Variants in PPARGC1A observed in about 807,000 individuals in gnomAD.
The protein encoded by PPARGC1A is peroxisome proliferator-activated receptor gamma coactivator 1-alpha.
PPARGC1A carries 25 observed loss-of-function variants against 88.7 expected under a neutral mutation model. That is an observed-to-expected ratio of 0.28 (90% CI 0.21 to 0.39). PPARGC1A has a LOEUF of 0.39. PPARGC1A is among the 10% of genes least tolerant of loss of function. The pLI is 1.00. For missense variants in PPARGC1A, 880 were observed against 968.7 expected (o/e 0.91, Z 1.22); for synonymous variants, 363 against 355.6 (o/e 1.02, Z -0.24).
At chr4:24,279,132 G>A in the PPARGC1A span, among the ~76,000 whole-genome samples, 7 of 152,204 alleles carry the variant, frequency 4.6e-5, no homozygotes, top group South Asian at 2.1e-4. Context: ...CTATACTTCC[G>A]TGGTCCAACC....
intron 1 of PPARGC1A, 150 bp downstream of exon 1, chr4:23,889,754 T>C: frequency 3.2e-6 from 3 of 923,094 alleles, no homozygotes; most frequent in Middle Eastern, 2.9e-4. Context: ...TTATTGGAGT[T>C]AAGATAAGAT....
rs1212858072 is a variant in PPARGC1A at position 23,794,880 on chromosome 4, T to C, written c.*942A>G. ...GCTGAACAAGCTGCACGCTTGACCA[T>C]TGACAAGGCTTTTGAAATTTGCAGT... On this transcript the variant is annotated 3_prime_UTR_variant, in exon 13 of 13. Transcript: ENST00000264867. The C allele has an allele frequency of 2.6e-5, 4 of 152,470 alleles. No individual in the cohort carries two copies. Among genetic ancestry groups the C allele is most frequent in the Admixed American group, 6.6e-5 (1 of 15,236 alleles). The allele number at this position is 152,470 out of a possible 1,614,324, so 9.4% of individuals were successfully genotyped here. A position where few individuals can be genotyped will look rare whatever the true frequency, so the allele number is the denominator to read the frequency against.
At chr4:23,883,979 C>T (rs976951403) in intron 2 of PPARGC1A, 2 of 152,118 alleles carry the variant, frequency 1.3e-5, no homozygotes, top group Non-Finnish European at 2.9e-5. Flanking sequence ...ATATGTCATC[C>T]TTCGTTTAAT....
the PPARGC1A span, among the ~76,000 whole-genome samples, chr4:24,360,389 C>G: frequency 2.6e-5 from 4 of 152,152 alleles, no homozygotes; most frequent in Non-Finnish European, 5.9e-5. Context: ...TCTGCACCAG[C>G]CACAAGCCCC....
the PPARGC1A span, among the ~76,000 whole-genome samples, chr4:24,421,797 A>C: frequency 3.3e-5 from 5 of 152,214 alleles, no homozygotes; most frequent in African/African-American, 4.8e-5. Context: ...TGTGGTGTGC[A>C]TACAATTAGT....
the PPARGC1A span, among the ~76,000 whole-genome samples, chr4:24,278,674 C>T: frequency 2.6e-5 from 4 of 152,206 alleles, no homozygotes; most frequent in Non-Finnish European, 4.4e-5. Flanking sequence ...TCCCTTTCTT[C>T]TCGTGGCTCC....
At chr4:23,837,398 A>G (rs1418133246) in intron 2 of PPARGC1A, among the ~76,000 whole-genome samples, 1 of 152,122 alleles carries the variant, frequency 6.6e-6, no homozygotes, top group Admixed American at 6.5e-5. Context: ...AGAAAAAAAA[A>G]AAAAAGAGTT....
the PPARGC1A span, among the ~76,000 whole-genome samples, chr4:24,237,358 G>T: frequency 6.0e-4 from 91 of 152,138 alleles, no homozygotes; most frequent in African/African-American, 1.6e-3. Flanking sequence ...TGAGATGGAG[G>T]TCATAAGTCA....
chr4:24,321,318 C>T, the PPARGC1A span, among the ~76,000 whole-genome samples: 13 of 152,270 alleles, frequency 8.5e-5, no homozygotes, highest in South Asian at 2.3e-3. Context: ...TATGACGCAA[C>T]TAACACACCC....
chr4:23,907,644 C>G (rs1435118984), upstream of PPARGC1A, among the ~76,000 whole-genome samples: 1 of 152,154 alleles, frequency 6.6e-6, no homozygotes, highest in African/African-American at 2.4e-5. Flanking sequence ...CATGGGAATT[C>G]AAGAGGACTA....
At chr4:23,864,320 C>T (rs931146460) in intron 2 of PPARGC1A, among the ~76,000 whole-genome samples, 16 of 152,172 alleles carry the variant, frequency 1.1e-4, no homozygotes, top group Non-Finnish European at 8.8e-5. Flanking sequence ...GTCTTGCCTC[C>T]TTATACAGCT....
the PPARGC1A span, among the ~76,000 whole-genome samples, chr4:24,377,920 T>G: frequency 6.6e-6 from 1 of 152,186 alleles, no homozygotes; most frequent in Non-Finnish European, 1.5e-5. Context: ...ACTCTCCAGG[T>G]CCATTACTCA....
chr4:23,951,504 T>C, the PPARGC1A span, among the ~76,000 whole-genome samples: 1 of 152,138 alleles, frequency 6.6e-6, no homozygotes, highest in South Asian at 2.1e-4. Context: ...ATGGTTTTTA[T>C]TAAAGATCAA....
At chr4:24,317,628 T>C in the PPARGC1A span, among the ~76,000 whole-genome samples, 73 of 108,402 alleles carry the variant, frequency 6.7e-4, 1 homozygote, top group Admixed American at 7.1e-3. Flanking sequence ...CCCTAAAAAA[T>C]TGCAGTGGAA....
chr4:24,302,024 C>T, the PPARGC1A span, among the ~76,000 whole-genome samples: 1 of 152,120 alleles, frequency 6.6e-6, no homozygotes, highest in African/African-American at 2.4e-5. Context: ...GGGGCAGCCA[C>T]CTCCTATTCC....
the PPARGC1A span, among the ~76,000 whole-genome samples, chr4:24,103,182 T>A: frequency 6.6e-6 from 1 of 152,126 alleles, no homozygotes; most frequent in Non-Finnish European, 1.5e-5. Flanking sequence ...AGAATTAAGT[T>A]CCAAAACTTT....
the PPARGC1A span, among the ~76,000 whole-genome samples, chr4:24,091,952 C>CACAT: frequency 1.3e-5 from 2 of 151,608 alleles, no homozygotes; most frequent in Admixed American, 6.6e-5. Flanking sequence ...CACACACACA[C>CACAT]ATATGCTCAC....
chr4:24,232,233 A>T, the PPARGC1A span, among the ~76,000 whole-genome samples: 1 of 152,024 alleles, frequency 6.6e-6, no homozygotes, highest in Non-Finnish European at 1.5e-5. Context: ...TGAAAAAAAA[A>T]ATCCTGGAGC....
the PPARGC1A span, among the ~76,000 whole-genome samples, chr4:24,387,824 GAGAGAA>G: frequency 7.7e-5 from 5 of 64,990 alleles, no homozygotes; most frequent in South Asian, 1.3e-3. Context: ...AAGAAAGAAA[GAGAGAA>G]AGAGAGAAAG....
Sources: allele counts gnomAD v4.1 joint callset (sites outside exome capture counted in the v4.1 genomes callset), GRCh38; gene constraint gnomAD v4.1.1; transcripts MANE v1.5; gene names NCBI Gene and HGNC (gene_info 2026-07-23, HGNC 2026-07-21).